Variants in BTLA observed in about 807,000 individuals in gnomAD.
BTLA encodes the protein B- and T-lymphocyte attenuator.
In BTLA, 11 loss-of-function variants were observed where a neutral mutation model predicts 25.0. The observed-to-expected ratio is 0.44, with a 90% confidence interval of 0.28 to 0.73. The LOEUF is 0.73. Ranked by LOEUF, BTLA falls within the 30% of genes least tolerant of loss-of-function variation. The pLI is 0.15. For synonymous variants in BTLA, 104 were observed against 119.8 expected (o/e 0.87, Z 0.86); for missense variants, 282 against 332.8 (o/e 0.85, Z 1.19).
chr3:112,467,384 G>A (rs1434612120), intron 4 of BTLA, among the ~76,000 whole-genome samples: 3 of 152,252 alleles, frequency 2.0e-5, no homozygotes, highest in South Asian at 2.1e-4. Context: ...TTTATTAGCC[G>A]CTCCTACCTA....
chr3:112,477,636 A>T (rs2082295947), intron 2 of BTLA, among the ~76,000 whole-genome samples: 1 of 152,034 alleles, frequency 6.6e-6, no homozygotes, highest in Non-Finnish European at 1.5e-5. Context: ...ATTGTTGATT[A>T]TGCTTTTGTA....
intron 1 of BTLA, 45 bp downstream of exon 1, chr3:112,499,225 AC>A: frequency 7.4e-7 from 1 of 1,356,660 alleles, no homozygotes; most frequent in Non-Finnish European, 1.1e-6. Flanking sequence ...TGCCTCCAAG[AC>A]CCCCTGAGAA....
At chr3:112,498,431 T>A (rs563011479) in intron 1 of BTLA, among the ~76,000 whole-genome samples, 182 of 151,976 alleles carry the variant, frequency 1.2e-3, no homozygotes, top group Non-Finnish European at 2.1e-3. Context: ...AAAACTCTTG[T>A]CTCAAAAAAA....
intron 1 of BTLA, among the ~76,000 whole-genome samples, chr3:112,495,384 A>C (rs2082404153): frequency 6.6e-6 from 1 of 152,244 alleles, no homozygotes; most frequent in African/African-American, 2.4e-5. Flanking sequence ...GAAACTCACA[A>C]ATAATGGAAA....
At chr3:112,486,115 T>G (rs1314340531) in intron 1 of BTLA, among the ~76,000 whole-genome samples, 1 of 152,134 alleles carries the variant, frequency 6.6e-6, no homozygotes, top group Non-Finnish European at 1.5e-5. Flanking sequence ...AGAGTCCATC[T>G]CAAAAAACAA....
chr3:112,479,725 C>T lies in BTLA; in HGVS notation c.133G>A (p.Glu45Lys), dbSNP rs1484965220. Reference sequence around the variant, plus strand: ...GGATCTCCTGCTAAGATGGAGTGTTCAGATTGTCTCTTTATATAAAGCTGT... The same window carrying T: ...GGATCTCCTGCTAAGATGGAGTGTTTAGATTGTCTCTTTATATAAAGCTGT... ...DVQLYIKRQSEHSILAGDPFE... is the reference protein window; with the variant it reads ...DVQLYIKRQSKHSILAGDPFE... The change falls in exon 2 of 5, where the codon GAA becomes AAA. Residue 45 changes from glutamate (E) to lysine (K), a missense_variant. By Grantham distance (56) the Glu-to-Lys change is moderately conservative. This residue lies in a region of BTLA where 163 missense variants were observed against 230.4 expected (regional missense o/e 0.71). Coordinates refer to ENST00000334529, the MANE Select transcript of BTLA (RefSeq NM_181780.4). 6.2e-7 allele frequency: 1 copy of T among 1,613,446 alleles called. No homozygotes were observed. Among genetic ancestry groups the T allele is most frequent in the African/African-American group, 1.3e-5 (1 of 74,986 alleles).
In BTLA at chr3:112,466,080, A is replaced by G. The variant is rs2171513; in HGVS notation, c.*28T>C. 1,397,761 of 1,532,224 alleles carry G rather than the reference A, an allele frequency of 0.91. 653,817 individuals are homozygous for G. Among genetic ancestry groups the G allele is most frequent in the Non-Finnish European group, 0.96 (1,091,059 of 1,132,352 alleles). The allele number at this position is 1,532,224 out of a possible 1,614,324, so 94.9% of individuals were successfully genotyped here. A position where few individuals can be genotyped will look rare whatever the true frequency, so the allele number is the denominator to read the frequency against. ...ATGATGTCAACATGCTGATCATTCA[A>G]TGGTCCCTGTTGGAGTCAGAAACAG... On this transcript the variant is annotated 3_prime_UTR_variant, in exon 5 of 5. Coordinates refer to ENST00000334529, the MANE Select transcript of BTLA (RefSeq NM_181780.4).
chr3:112,478,696 G>C (rs1001400190), intron 2 of BTLA, among the ~76,000 whole-genome samples: 2 of 152,098 alleles, frequency 1.3e-5, no homozygotes, highest in Non-Finnish European at 2.9e-5. Context: ...TCCATGTCTT[G>C]TTCCTGTTCT....
At chr3:112,476,862 C>A (rs2633563) in intron 2 of BTLA, among the ~76,000 whole-genome samples, 16,881 of 152,130 alleles carry the variant, frequency 0.11, 1,678 homozygotes, top group African/African-American at 0.25. Flanking sequence ...TTTCCTCAGC[C>A]CCTGGCAACC....
chr3:112,489,370 T>C (rs1373214043), intron 1 of BTLA, among the ~76,000 whole-genome samples: 3 of 152,076 alleles, frequency 2.0e-5, no homozygotes, highest in South Asian at 2.1e-4. Flanking sequence ...AAAAAGAGGG[T>C]TATGATTATG....
intron 1 of BTLA, among the ~76,000 whole-genome samples, chr3:112,498,571 T>A (rs1214396238): frequency 7.0e-6 from 1 of 142,936 alleles, no homozygotes; most frequent in South Asian, 2.3e-4. Context: ...AAATTGCCTT[T>A]TTTTTTTTTT....
chr3:112,482,318 G>A (rs1490575596), intron 1 of BTLA, among the ~76,000 whole-genome samples: 1 of 152,128 alleles, frequency 6.6e-6, no homozygotes, highest in African/African-American at 2.4e-5. Context: ...TGACATAAGT[G>A]TAACAGAGAT....
intron 4 of BTLA, among the ~76,000 whole-genome samples, chr3:112,468,130 A>C (rs977374658): frequency 2.1e-4 from 32 of 152,258 alleles, no homozygotes; most frequent in African/African-American, 7.7e-4. Flanking sequence ...GGCAGGTTAC[A>C]GTATACAAAG....
Position 112,466,187 on chromosome 3 carries a change from A to C in BTLA, c.791T>G (p.Val264Gly), listed in dbSNP as rs1476972864. 3 of 1,613,674 alleles carry C rather than the reference A, an allele frequency of 1.9e-6. No homozygotes were observed. The highest frequency in any genetic ancestry group is 1.7e-6 in the Non-Finnish European group (2 of 1,179,790). Residue 264 changes from valine to glycine, a missense_variant, in exon 5 of 5, where the codon GTC (valine) becomes GGC (glycine). Around this residue, in one of 2 missense-constraint regions of BTLA, gnomAD observed 119 missense variants for 102.3 expected, o/e 1.16. Coordinates refer to ENST00000334529, the MANE Select transcript of BTLA (RefSeq NM_181780.4). ...TGCCAGTCTTGAGTTCGGTCCAATG[A>C]CAGAATGGTTCAGGGAAGCATAAAC... Reference protein sequence around the residue: ...GIVYASLNHSVIGPNSRLARN... With the variant: ...GIVYASLNHSGIGPNSRLARN...
intron 1 of BTLA, among the ~76,000 whole-genome samples, chr3:112,490,604 AACACACACACACACACACAC>A (rs55894234): frequency 7.0e-6 from 1 of 142,258 alleles, no homozygotes; most frequent in Non-Finnish European, 1.5e-5. Flanking sequence ...TCCCTGGGTA[AACACACACACACACACACAC>A]ACACACACAC....
rs77294347 is a variant in BTLA, at chr3:112,484,053, T to C, written c.89-4284A>G. On this transcript the variant is annotated intron_variant, in intron 1 of 4. Coordinates refer to ENST00000334529, the MANE Select transcript of BTLA (RefSeq NM_181780.4). The stretch of plus-strand genomic sequence containing the variant: ...GGGGCAAAGCTTCATGGAAAGGCTA[T>C]ACTTGAGCTGAACCTTGGTGAATGA... 8.3e-3 allele frequency among the ~76,000 whole-genome samples: 1,262 copies of C among 152,066 alleles called. 46 individuals carry two copies. The highest frequency in any genetic ancestry group is 0.062 in the East Asian group (319 of 5,172).
intron 1 of BTLA, among the ~76,000 whole-genome samples, chr3:112,491,741 T>C (rs1375893801): frequency 6.6e-6 from 1 of 152,228 alleles, no homozygotes; most frequent in African/African-American, 2.4e-5. Flanking sequence ...ACACAGAAGT[T>C]GAGTCATTGT....
intron 1 of BTLA, among the ~76,000 whole-genome samples, chr3:112,498,230 T>C (rs1426367653): frequency 6.6e-6 from 1 of 151,826 alleles, no homozygotes; most frequent in African/African-American, 2.4e-5. Flanking sequence ...ATTGGGGTTA[T>C]CCAACATCTC....
chr3:112,466,736 A>T (rs532828309), intron 4 of BTLA, among the ~76,000 whole-genome samples: 1 of 152,318 alleles, frequency 6.6e-6, no homozygotes, highest in East Asian at 1.9e-4. Context: ...TTATAACATG[A>T]TGAATAGTAT....
Sources: gnomAD v4.1 joint callset for allele counts (sites outside exome capture counted in the v4.1 genomes callset) on GRCh38, gnomAD v4.1.1 for gene constraint, gnomAD v4.1.1 regional missense constraint, MANE v1.5 for transcripts, NCBI Gene and HGNC (gene_info 2026-07-23, HGNC 2026-07-21) for gene names.